Variants in NCOA7 observed in about 807,000 individuals in gnomAD.
The protein encoded by NCOA7 is nuclear receptor coactivator 7, also known as 140 kDa estrogen receptor-associated protein.
In NCOA7, 45 loss-of-function variants were observed where a neutral mutation model predicts 104.3. The ratio of observed to expected loss-of-function variants is 0.43; its 90% CI spans 0.34 to 0.55. NCOA7 has a LOEUF of 0.55. Among genes scored for constraint, NCOA7 ranks in the 20% least tolerant of loss-of-function variants. The pLI, the probability that NCOA7 is intolerant of heterozygous loss-of-function variation, is 0.02. For missense variants in NCOA7, 1,041 were observed against 1,119.7 expected (o/e 0.93, Z 1.00); for synonymous variants, 398 against 402.3 (o/e 0.99, Z 0.13).
At chr6:125,815,806 T>A (rs1777537342) in intron 2 of NCOA7, among the ~76,000 whole-genome samples, 1 of 152,142 alleles carries the variant, frequency 6.6e-6, no homozygotes, top group Admixed American at 6.5e-5. Context: ...TTGTGGGGAG[T>A]CTATTACTAA....
At position 125,921,031 on chromosome 6, in the gene NCOA7, C is replaced by A. The variant is rs1254451872; in HGVS notation, c.2333C>A (p.Pro778His). 1.2e-6 allele frequency: 2 copies of A among 1,613,644 alleles called. No individual in the cohort carries two copies. The highest frequency in any genetic ancestry group is 1.7e-6 in the Non-Finnish European group (2 of 1,179,840). ...EDEEVLPVLR[P>H]HSALLENMHI... ...GAAGAGGTGCTGCCTGTCCTACGGCCCCACAGCGCGCTCCTGGAGAATATG... is the reference window on the plus strand; with the variant it reads ...GAAGAGGTGCTGCCTGTCCTACGGCACCACAGCGCGCTCCTGGAGAATATG... Residue 778 changes from proline to histidine, a missense_variant, in exon 12 of 16, where the codon CCC becomes CAC. Physicochemically the swap from Pro to His is moderately conservative, Grantham distance 77. This residue lies in a region of NCOA7 where 914 missense variants were observed against 942.7 expected (regional missense o/e 0.97). Coordinates refer to ENST00000392477, the MANE Select transcript of NCOA7 (RefSeq NM_181782.5).
chr6:125,917,510 A>G (rs186907652), intron 11 of NCOA7, among the ~76,000 whole-genome samples: 67 of 152,254 alleles, frequency 4.4e-4, no homozygotes, highest in African/African-American at 1.5e-3. Flanking sequence ...AGAACCCCCC[A>G]GGTCACCCCA....
At position 125,889,458 on chromosome 6, in the gene NCOA7, C is replaced by G. The variant is rs970884110; in HGVS notation, c.1404C>G (p.Ala468=). The change falls in exon 9 of 16, where the codon GCC becomes GCG. Residue 468 remains alanine (A), a synonymous_variant. Transcript: ENST00000392477. ...AVEMQVQSAL[A]FLGTENDVEL... ...AAATGCAGGTGCAGTCAGCCCTAGC[C>G]TTTTTGGGAACAGAGAATGATGTTG... 3 of 1,614,018 alleles carry G rather than the reference C, an allele frequency of 1.9e-6. No homozygotes were observed. The highest frequency in any genetic ancestry group is 2.5e-6 in the Non-Finnish European group (3 of 1,179,992).
upstream of NCOA7, among the ~76,000 whole-genome samples, chr6:125,787,881 T>C (rs1467149984): frequency 3.9e-5 from 6 of 152,350 alleles, no homozygotes; most frequent in Admixed American, 2.6e-4. Flanking sequence ...GATTATCTCC[T>C]TTAATTCCTA....
chr6:125,905,204 T>G (rs1441052463), intron 10 of NCOA7, among the ~76,000 whole-genome samples: 1 of 151,956 alleles, frequency 6.6e-6, no homozygotes, highest in Non-Finnish European at 1.5e-5. Context: ...TTACAGTGGA[T>G]GATCTTTGAG....
chr6:125,847,835 A>T lies in NCOA7; in HGVS notation c.51-7185A>T, dbSNP rs1303507219. The stretch of plus-strand genomic sequence containing the variant: ...TAATTAAACTAAAGAGCTTCTGCAC[A>T]GCAAAAGAAACTATCATCAGAGTGA... On this transcript the variant is annotated intron_variant, in intron 2 of 15. Transcript: ENST00000392477. 2.0e-5 allele frequency among the ~76,000 whole-genome samples: 3 copies of T among 152,250 alleles called. 1 individual carries two copies. The highest frequency in any genetic ancestry group is 7.2e-5 in the African/African-American group (3 of 41,480).
In NCOA7 at chr6:125,929,442, C is replaced by T. The variant is rs1788327250; in HGVS notation, c.*671C>T. On this transcript the variant is annotated 3_prime_UTR_variant, in exon 16 of 16. Coordinates refer to ENST00000392477, the MANE Select transcript of NCOA7 (RefSeq NM_181782.5). ...GCCCTGATTGTTTAGGGTGATAGGTCTTAAGCAGCATATATCTATATATCT... is the reference window on the plus strand; with the variant it reads ...GCCCTGATTGTTTAGGGTGATAGGTTTTAAGCAGCATATATCTATATATCT... 9.3e-6 allele frequency: 1 copy of T among 107,454 alleles called. No homozygotes were observed. The highest frequency in any genetic ancestry group is 7.8e-5 in the Admixed American group (1 of 12,794). 6.7% of individuals were successfully genotyped at this position (107,454 alleles called of 1,614,324 possible). A position where few individuals can be genotyped will look rare whatever the true frequency, so the allele number is the denominator to read the frequency against.
chr6:125,798,506 T>C (rs889732555), intron 1 of NCOA7, among the ~76,000 whole-genome samples: 10 of 152,200 alleles, frequency 6.6e-5, no homozygotes, highest in Non-Finnish European at 7.3e-5. Flanking sequence ...TGTAAAAATT[T>C]GAGAAAAATT....
At chr6:125,922,551 C>T in intron 12 of NCOA7, 131 bp from the exon 13 acceptor site, 1 of 1,049,244 alleles carries the variant, frequency 9.5e-7, no homozygotes, top group East Asian at 2.5e-5. Flanking sequence ...CAAATATTTG[C>T]CAGAATAAGG....
chr6:125,788,484 C>G (rs1774571162), upstream of NCOA7, among the ~76,000 whole-genome samples: 1 of 151,462 alleles, frequency 6.6e-6, no homozygotes, highest in African/African-American at 2.4e-5. Flanking sequence ...AGCATGCAGT[C>G]CTAGAGGAGT....
intron 3 of NCOA7, among the ~76,000 whole-genome samples, chr6:125,856,992 G>A (rs1276765570): frequency 6.6e-6 from 1 of 152,174 alleles, no homozygotes; most frequent in African/African-American, 2.4e-5. Context: ...ACAGGCAGAT[G>A]ATCTATCGGC....
intron 3 of NCOA7, among the ~76,000 whole-genome samples, chr6:125,872,595 G>T (rs1364274999): frequency 6.6e-6 from 1 of 152,218 alleles, no homozygotes; most frequent in Non-Finnish European, 1.5e-5. Flanking sequence ...ACTATGGGAA[G>T]AATTAGCCTG....
chr6:125,854,096 T>C (rs1001222166), intron 2 of NCOA7, among the ~76,000 whole-genome samples: 2 of 152,202 alleles, frequency 1.3e-5, no homozygotes, highest in Admixed American at 1.3e-4. Context: ...TAACTGTGCC[T>C]AGATACTTTC....
At chr6:125,869,525 A>G (rs1366790075) in intron 3 of NCOA7, among the ~76,000 whole-genome samples, 1 of 152,240 alleles carries the variant, frequency 6.6e-6, no homozygotes, top group African/African-American at 2.4e-5. Context: ...AGGTGAACCA[A>G]GGCTATAGAT....
chr6:125,785,451 AG>A (rs1399879691), intron 1 of NCOA7, among the ~76,000 whole-genome samples: 25 of 152,342 alleles, frequency 1.6e-4, no homozygotes, highest in African/African-American at 5.3e-4. Flanking sequence ...GGAGAAAACT[AG>A]GAGGAAACAC....
In NCOA7 at chr6:125,835,203, A is replaced by G. The variant is rs140311762; in HGVS notation, c.50+19799A>G. The stretch of plus-strand genomic sequence containing the variant: ...TAATCTTAAGATACAACAGCTATCC[A>G]TGTTATTTTCATGTGATAAAGACTG... On this transcript the variant is annotated intron_variant, in intron 2 of 15. Coordinates refer to ENST00000392477, the MANE Select transcript of NCOA7 (RefSeq NM_181782.5). Among the ~76,000 whole-genome samples the G allele has an allele frequency of 1.2e-3, 180 of 152,328 alleles. 2 individuals carry two copies. The East Asian group carries it at 0.031, about 26-fold the overall frequency.
At chr6:125,837,736 A>G (rs190515035) in intron 2 of NCOA7, among the ~76,000 whole-genome samples, 93 of 152,322 alleles carry the variant, frequency 6.1e-4, no homozygotes, top group African/African-American at 2.1e-3. Flanking sequence ...TTCCCTTAGG[A>G]GGCAGCATGA....
chr6:125,927,817 G>T, intron 14 of NCOA7, 59 bp downstream of exon 14: 1 of 1,371,112 alleles, frequency 7.3e-7, no homozygotes, highest in East Asian at 2.3e-5. Flanking sequence ...AGTTGGGGAA[G>T]GGGATAGGCA....
chr6:125,822,809 C>A (rs925578669), intron 2 of NCOA7, among the ~76,000 whole-genome samples: 2 of 151,906 alleles, frequency 1.3e-5, no homozygotes, highest in Non-Finnish European at 2.9e-5. Context: ...GTGGCACAGA[C>A]CTGTAATCCC....
Sources: gnomAD v4.1 joint callset for allele counts (sites outside exome capture counted in the v4.1 genomes callset) on GRCh38, gnomAD v4.1.1 for gene constraint, gnomAD v4.1.1 regional missense constraint, MANE v1.5 for transcripts, NCBI Gene and HGNC (gene_info 2026-07-23, HGNC 2026-07-21) for gene names.